CATSPERB: variants seen among roughly 807,000 people sequenced by gnomAD.
CATSPERB encodes catsper channel auxiliary subunit beta, also known as cation channel sperm-associated auxiliary subunit beta.
Under a neutral mutation model 128.3 loss-of-function variants are expected in CATSPERB, and 93 were observed. The observed-to-expected ratio is 0.72, with a 90% CI of 0.61 to 0.86. The LOEUF is 0.86. Among genes scored for constraint, CATSPERB ranks in the 40% least tolerant of loss-of-function variants. The probability of loss-of-function intolerance (pLI) is 0.00; values close to 1 mark genes in which losing one functional copy is unlikely to be tolerated. For missense variants in CATSPERB, 1,153 were observed against 1,329.5 expected, an observed-to-expected ratio of 0.87 and a Z score of 2.06; for synonymous variants, 381 against 448.8, an observed-to-expected ratio of 0.85 and a Z score of 1.91.
chr14:91,629,011 C>G (rs970110689), intron 17 of CATSPERB, among the ~76,000 whole-genome samples: 2 of 152,130 alleles, frequency 1.3e-5, no homozygotes, highest in African/African-American at 4.8e-5. Context: ...AGCAAAATGC[C>G]TTGGTATTTA....
At chr14:91,596,518 T>G (rs1250549309) in intron 22 of CATSPERB, among the ~76,000 whole-genome samples, 1 of 151,976 alleles carries the variant, frequency 6.6e-6, no homozygotes, top group African/African-American at 2.4e-5. Context: ...ATCCACCTTT[T>G]AAAGAGCATT....
intron 14 of CATSPERB, among the ~76,000 whole-genome samples, chr14:91,660,392 AAT>A (rs1894857544): frequency 6.6e-6 from 1 of 152,194 alleles, no homozygotes; most frequent in Admixed American, 6.5e-5. Flanking sequence ...GTGTCTGGCA[AAT>A]ATATATGCAC....
chr14:91,620,855 G>A (rs569448402), intron 19 of CATSPERB, among the ~76,000 whole-genome samples: 1 of 152,298 alleles, frequency 6.6e-6, no homozygotes, highest in East Asian at 1.9e-4. Flanking sequence ...TTTTCTGTCC[G>A]TGTTTGGCTG....
At chr14:91,698,161 C>T (rs574937805) in intron 7 of CATSPERB, among the ~76,000 whole-genome samples, 13 of 152,054 alleles carry the variant, frequency 8.5e-5, no homozygotes, top group South Asian at 2.1e-4. Flanking sequence ...ATTGTGCTCT[C>T]GATTTGGCTC....
chr14:91,624,471 G>A (rs944856536), intron 18 of CATSPERB, among the ~76,000 whole-genome samples: 1 of 152,038 alleles, frequency 6.6e-6, no homozygotes, highest in Non-Finnish European at 1.5e-5. Context: ...GTGACAGTGC[G>A]AGACTCCAAA....
chr14:91,622,510 G>A (rs1006305337), intron 18 of CATSPERB, among the ~76,000 whole-genome samples: 1 of 152,136 alleles, frequency 6.6e-6, no homozygotes, highest in African/African-American at 2.4e-5. Context: ...GAAAATCAGA[G>A]AAGACATCAA....
At chr14:91,718,539 G>T (rs1479633846) in intron 5 of CATSPERB, among the ~76,000 whole-genome samples, 3 of 152,062 alleles carry the variant, frequency 2.0e-5, no homozygotes, top group Non-Finnish European at 4.4e-5. Flanking sequence ...TCAACAATGG[G>T]TCAACTGAAG....
At chr14:91,605,202 T>C in intron 22 of CATSPERB, 1 of 1,556,844 alleles carries the variant, frequency 6.4e-7, no homozygotes, top group South Asian at 1.1e-5. Flanking sequence ...GCAGAAGACA[T>C]TTGCAAGGAT....
intron 5 of CATSPERB, chr14:91,715,150 G>A (rs1217869188): frequency 6.6e-6 from 1 of 151,196 alleles, no homozygotes; most frequent in Non-Finnish European, 1.5e-5. Flanking sequence ...TTTTTTTTAT[G>A]TGCAAGTTCT....
At chr14:91,678,976 T>C (rs923806966) in intron 11 of CATSPERB, among the ~76,000 whole-genome samples, 4 of 152,190 alleles carry the variant, frequency 2.6e-5, no homozygotes, top group Non-Finnish European at 4.4e-5. Flanking sequence ...CTTTAAATGA[T>C]GACTAGTGCT....
chr14:91,607,636 G>A (rs1595143805), intron 22 of CATSPERB, among the ~76,000 whole-genome samples: 1 of 152,148 alleles, frequency 6.6e-6, no homozygotes, highest in Non-Finnish European at 1.5e-5. Flanking sequence ...GAATGAGATC[G>A]GAAGACAGTG....
intron 5 of CATSPERB, among the ~76,000 whole-genome samples, chr14:91,717,127 G>A (rs901417957): frequency 2.6e-5 from 4 of 152,160 alleles, no homozygotes; most frequent in South Asian, 4.1e-4. Context: ...CTCAAAGGCT[G>A]TATAGGTTAT....
chr14:91,591,236 G>T (rs1485681341), intron 23 of CATSPERB, among the ~76,000 whole-genome samples: 1 of 151,790 alleles, frequency 6.6e-6, no homozygotes, highest in Non-Finnish European at 1.5e-5. Flanking sequence ...TGTATTTTTA[G>T]TAGAGATTGG....
chr14:91,727,441 A>G (rs1040023434), intron 2 of CATSPERB, among the ~76,000 whole-genome samples: 1 of 152,224 alleles, frequency 6.6e-6, no homozygotes, highest in Non-Finnish European at 1.5e-5. Flanking sequence ...AACGTTACTC[A>G]TTCTGTTTGT....
At chr14:91,718,994 C>T (rs949788863) in intron 5 of CATSPERB, among the ~76,000 whole-genome samples, 2 of 152,102 alleles carry the variant, frequency 1.3e-5, no homozygotes, top group African/African-American at 2.4e-5. Flanking sequence ...TAGGTACATA[C>T]AGTAGCATAT....
At chr14:91,677,427 A>T (rs183693205) in intron 11 of CATSPERB, among the ~76,000 whole-genome samples, 171 of 152,364 alleles carry the variant, frequency 1.1e-3, no homozygotes, top group African/African-American at 3.9e-3. Context: ...AAAATAAGAC[A>T]TTTATGCAGC....
chr14:91,593,989 C>A (rs1342500747), intron 22 of CATSPERB, among the ~76,000 whole-genome samples: 2 of 152,208 alleles, frequency 1.3e-5, no homozygotes, highest in African/African-American at 4.8e-5. Context: ...GGAGTTTCCA[C>A]TTTTGCTTTC....
At chr14:91,707,004 T>C (rs1287115960) in intron 6 of CATSPERB, among the ~76,000 whole-genome samples, 1 of 152,220 alleles carries the variant, frequency 6.6e-6, no homozygotes, top group Admixed American at 6.5e-5. Flanking sequence ...AGAGTTATTC[T>C]CTACATAGCA....
At chr14:91,722,617 CTATT>C (rs910717096) in intron 4 of CATSPERB, among the ~76,000 whole-genome samples, 30 of 152,150 alleles carry the variant, frequency 2.0e-4, no homozygotes, top group African/African-American at 7.0e-4. Context: ...ATACTAAAAA[CTATT>C]TAAGTGCACA....
Sources: allele counts gnomAD v4.1 joint callset (sites outside exome capture counted in the v4.1 genomes callset), GRCh38; gene constraint gnomAD v4.1.1; transcripts MANE v1.5; gene names NCBI Gene and HGNC (gene_info 2026-07-23, HGNC 2026-07-21).